Variants in MAF observed in about 807,000 individuals in gnomAD.
The protein encoded by MAF is transcription factor Maf.
A neutral mutation model predicts 22.0 loss-of-function variants in MAF; 10 were observed. The observed-to-expected ratio is 0.45, with a 90% CI of 0.28 to 0.77. MAF has a LOEUF of 0.77. Among genes scored for constraint, MAF ranks in the 30% least tolerant of loss-of-function variants. MAF has a pLI of 0.12. For synonymous variants in MAF, 337 were observed against 255.8 expected (o/e 1.32, Z -3.03); for missense variants, 544 against 548.4 (o/e 0.99, Z 0.08).
chr16:79,225,265 A>C, the MAF span, among the ~76,000 whole-genome samples: 2 of 152,162 alleles, frequency 1.3e-5, no homozygotes, highest in Admixed American at 6.5e-5. Flanking sequence ...ATGGGGAAAG[A>C]ATTCCCTATT....
At chr16:79,478,742 G>A in the MAF span, among the ~76,000 whole-genome samples, 1 of 152,034 alleles carries the variant, frequency 6.6e-6, no homozygotes, top group Non-Finnish European at 1.5e-5. Context: ...CAGCATACCT[G>A]GATGTCATCC....
chr16:79,371,873 G>C, the MAF span, among the ~76,000 whole-genome samples: 1 of 152,214 alleles, frequency 6.6e-6, no homozygotes, highest in African/African-American at 2.4e-5. Context: ...GGGCAGAGAG[G>C]AGTTTAAACT....
the MAF span, among the ~76,000 whole-genome samples, chr16:79,274,716 A>G: frequency 6.6e-6 from 1 of 152,102 alleles, no homozygotes; most frequent in African/African-American, 2.4e-5. Context: ...CAGCAGTCCT[A>G]CCCTCTGCCA....
chr16:79,288,679 G>T, the MAF span, among the ~76,000 whole-genome samples: 1 of 152,202 alleles, frequency 6.6e-6, no homozygotes, highest in Non-Finnish European at 1.5e-5. Context: ...AGTGAATTAG[G>T]TAAACATGAG....
the MAF span, among the ~76,000 whole-genome samples, chr16:79,447,651 G>A: frequency 2.0e-5 from 3 of 152,182 alleles, no homozygotes; most frequent in Non-Finnish European, 4.4e-5. Flanking sequence ...ATTCATGGAG[G>A]GAGATCAAAA....
the MAF span, among the ~76,000 whole-genome samples, chr16:79,243,780 C>T: frequency 1.3e-5 from 2 of 151,970 alleles, no homozygotes; most frequent in Non-Finnish European, 2.9e-5. Context: ...AAATTTGAGG[C>T]CAATATCCCT....
At chr16:79,281,162 C>T in the MAF span, among the ~76,000 whole-genome samples, 26 of 149,296 alleles carry the variant, frequency 1.7e-4, 1 homozygote, top group Admixed American at 5.4e-4. Flanking sequence ...GGAGGTTGGA[C>T]GGAAGATGTG....
chr16:79,215,125 T>G, the MAF span, among the ~76,000 whole-genome samples: 1 of 152,190 alleles, frequency 6.6e-6, no homozygotes, highest in Non-Finnish European at 1.5e-5. Context: ...ATACAGCTCA[T>G]AAATTGATAG....
the MAF span, among the ~76,000 whole-genome samples, chr16:79,219,814 A>C: frequency 6.6e-6 from 1 of 152,138 alleles, no homozygotes; most frequent in East Asian, 1.9e-4. Context: ...GGCTTCTCTA[A>C]GCTGAACAAG....
the MAF span, among the ~76,000 whole-genome samples, chr16:79,357,644 A>AC: frequency 6.6e-6 from 1 of 152,010 alleles, no homozygotes; most frequent in Non-Finnish European, 1.5e-5. Context: ...GTGGGTTGGG[A>AC]CCATGGCTGT....
the MAF span, among the ~76,000 whole-genome samples, chr16:79,263,625 C>G: frequency 6.6e-6 from 1 of 152,188 alleles, no homozygotes. Flanking sequence ...GTCAAAGTGT[C>G]TTTGCTAATT....
the MAF span, among the ~76,000 whole-genome samples, chr16:79,397,224 A>T: frequency 6.6e-6 from 1 of 152,178 alleles, no homozygotes; most frequent in Non-Finnish European, 1.5e-5. Flanking sequence ...TTCCACAACC[A>T]TGGGGCCACA....
At chr16:79,337,920 T>G in the MAF span, among the ~76,000 whole-genome samples, 1 of 152,224 alleles carries the variant, frequency 6.6e-6, no homozygotes, top group African/African-American at 2.4e-5. Context: ...TTACTTCTGA[T>G]GCCTGTCTTG....
the MAF span, among the ~76,000 whole-genome samples, chr16:79,508,944 T>C: frequency 2.0e-5 from 3 of 152,220 alleles, no homozygotes; most frequent in Admixed American, 1.3e-4. Flanking sequence ...ATAGAGGTGA[T>C]GTCTGCCTGG....
chr16:79,365,294 T>C, the MAF span, among the ~76,000 whole-genome samples: 2 of 152,188 alleles, frequency 1.3e-5, no homozygotes, highest in Non-Finnish European at 2.9e-5. Flanking sequence ...ACTATATAAT[T>C]CTCCATGTAG....
At chr16:79,517,980 G>A in the MAF span, among the ~76,000 whole-genome samples, 2 of 152,120 alleles carry the variant, frequency 1.3e-5, no homozygotes, top group African/African-American at 2.4e-5. Context: ...TCTTTTGTCT[G>A]GAAACTCAAC....
chr16:79,598,050 A>T, intron 1 of MAF: 8 of 822,882 alleles, frequency 9.7e-6, no homozygotes, highest in Non-Finnish European at 1.2e-5. Flanking sequence ...TAACAATGCT[A>T]AAAAAAAAAC....
At chr16:79,493,883 G>C in the MAF span, among the ~76,000 whole-genome samples, 4 of 151,618 alleles carry the variant, frequency 2.6e-5, no homozygotes, top group Non-Finnish European at 5.9e-5. Context: ...CTCTATTCTT[G>C]GTGGATGTGT....
the MAF span, among the ~76,000 whole-genome samples, chr16:79,557,033 C>T: frequency 6.6e-5 from 10 of 150,652 alleles, no homozygotes; most frequent in African/African-American, 2.5e-4. Context: ...GCCCAGGCTA[C>T]ACTTAAACTC....
Sources: allele counts gnomAD v4.1 joint callset (sites outside exome capture counted in the v4.1 genomes callset), GRCh38; gene constraint gnomAD v4.1.1; transcripts MANE v1.5; gene names NCBI Gene and HGNC (gene_info 2026-07-23, HGNC 2026-07-21).